The following ZNF592 variants were observed in gnomAD, a reference collection of about 807,000 sequenced individuals.
ZNF592 encodes the protein zinc finger protein 592.
ZNF592 carries 11 observed loss-of-function variants against 80.3 expected under a neutral mutation model. The ratio of observed to expected loss-of-function variants is 0.14; its 90% CI spans 0.09 to 0.23. The LOEUF is 0.23. ZNF592 is among the 10% of genes least tolerant of loss of function. The pLI, the probability that ZNF592 is intolerant of heterozygous loss-of-function variation, is 1.00. For missense variants in ZNF592, 1,420 were observed against 1,633.9 expected (o/e 0.87, Z 2.26); for synonymous variants, 646 against 640.3 (o/e 1.01, Z -0.13).
At chr15:84,779,599 C>T (rs1400104860) in intron 3 of ZNF592, among the ~76,000 whole-genome samples, 1 of 152,082 alleles carries the variant, frequency 6.6e-6, no homozygotes. Context: ...TGATCCTCCT[C>T]CCTTGGCCTC....
At chr15:84,800,567 G>A (rs1337680309) in intron 10 of ZNF592, among the ~76,000 whole-genome samples, 1 of 152,154 alleles carries the variant, frequency 6.6e-6, no homozygotes, top group Non-Finnish European at 1.5e-5. Flanking sequence ...TGTCTGGGAA[G>A]TCCTAAGAGC....
intron 5 of ZNF592, among the ~76,000 whole-genome samples, chr15:84,793,406 A>C (rs912755807): frequency 6.6e-6 from 1 of 152,220 alleles, no homozygotes; most frequent in Non-Finnish European, 1.5e-5. Flanking sequence ...CGGATGGATT[A>C]ATACTTTTCA....
At chr15:84,766,151 C>T (rs1899512860) in intron 2 of ZNF592, among the ~76,000 whole-genome samples, 1 of 151,994 alleles carries the variant, frequency 6.6e-6, no homozygotes, top group South Asian at 2.1e-4. Context: ...GTAGCTGGGA[C>T]TACAGCACAC....
rs1285844864 is a variant in ZNF592, at chr15:84,784,630, T to A, written c.1955T>A (p.Leu652Gln). 6.2e-7 allele frequency: 1 copy of A among 1,614,190 alleles called. No homozygotes were observed. The highest frequency in any genetic ancestry group is 1.7e-5 in the Admixed American group (1 of 60,020). ...CTCGTCATGCAGTGTTCCCAGCTGC[T>A]GGTGAAGCCTATCTCTGCGGACCAA... is the stretch of plus-strand genomic sequence containing the variant. Reference protein sequence around the residue: ...KGLVMQCSQLLVKPISADQMF... With the variant: ...KGLVMQCSQLQVKPISADQMF... The change falls in exon 4 of 11, where the codon CTG (leucine) becomes CAG (glutamine). Residue 652 changes from leucine to glutamine, a missense_variant. Transcript: ENST00000560079. The surrounding 1 kb of genome is among the most constrained non-coding windows in gnomAD (Gnocchi z 5.8).
At chr15:84,788,132 G>A (rs1456732200) in intron 4 of ZNF592, among the ~76,000 whole-genome samples, 1 of 152,126 alleles carries the variant, frequency 6.6e-6, no homozygotes, top group Non-Finnish European at 1.5e-5. Flanking sequence ...TTTGATGGAG[G>A]GTGGGGGTGG....
At chr15:84,760,059 T>G (rs922730154) in intron 1 of ZNF592, among the ~76,000 whole-genome samples, 1 of 150,276 alleles carries the variant, frequency 6.7e-6, no homozygotes, top group African/African-American at 2.5e-5. Flanking sequence ...TGATAGACAG[T>G]TGAGATGGAT....
intron 4 of ZNF592, among the ~76,000 whole-genome samples, chr15:84,788,911 A>G (rs1018599551): frequency 1.3e-5 from 2 of 152,104 alleles, no homozygotes; most frequent in Non-Finnish European, 2.9e-5. Flanking sequence ...AGCATATGTC[A>G]GAATCTCCTT....
intron 4 of ZNF592, among the ~76,000 whole-genome samples, chr15:84,786,022 G>C (rs1962577588): frequency 6.6e-6 from 1 of 152,282 alleles, no homozygotes; most frequent in East Asian, 1.9e-4. Flanking sequence ...CCCTAAGCTG[G>C]TGCTACAGAG....
intron 4 of ZNF592, 112 bp from the exon 5 acceptor site, chr15:84,790,593 G>A (rs2141993404): frequency 9.3e-7 from 1 of 1,076,404 alleles, no homozygotes; most frequent in Non-Finnish European, 1.4e-6. Flanking sequence ...AGAGAGAGTG[G>A]TTGGGGGAAG....
chr15:84,780,987 A>G (rs553895153), intron 3 of ZNF592, among the ~76,000 whole-genome samples: 78 of 152,262 alleles, frequency 5.1e-4, no homozygotes, highest in Non-Finnish European at 8.8e-4. Flanking sequence ...TAAACTTGAC[A>G]TTATAAATAA....
At chr15:84,779,783 A>G (rs189227343) in intron 3 of ZNF592, among the ~76,000 whole-genome samples, 2 of 152,114 alleles carry the variant, frequency 1.3e-5, no homozygotes, top group Non-Finnish European at 2.9e-5. Flanking sequence ...AGATTTCTCT[A>G]TGAGGAGAGC....
chr15:84,775,571 T>C (rs1413376023), intron 2 of ZNF592, among the ~76,000 whole-genome samples: 1 of 152,186 alleles, frequency 6.6e-6, no homozygotes, highest in East Asian at 1.9e-4. Context: ...TAGCTGGGTT[T>C]GCAGGTGCAC....
intron 1 of ZNF592, among the ~76,000 whole-genome samples, 169 bp downstream of exon 1, chr15:84,748,833 C>A (rs1411852259): frequency 1.4e-5 from 2 of 147,204 alleles, no homozygotes; most frequent in Non-Finnish European, 1.5e-5. Context: ...TTCCCCCGAC[C>A]GCCGCCTGGC....
intron 4 of ZNF592, among the ~76,000 whole-genome samples, chr15:84,787,921 T>C (rs985672928): frequency 5.3e-5 from 8 of 152,234 alleles, no homozygotes; most frequent in African/African-American, 1.9e-4. Flanking sequence ...TTTCATGCCA[T>C]TGACTTGTTG....
chr15:84,756,006 A>G (rs1899158803), intron 1 of ZNF592, among the ~76,000 whole-genome samples: 1 of 152,164 alleles, frequency 6.6e-6, no homozygotes, highest in African/African-American at 2.4e-5. Context: ...TTCTAAAGAA[A>G]TCATTCCTTT....
chr15:84,756,974 A>G (rs1411505565), intron 1 of ZNF592, among the ~76,000 whole-genome samples: 1 of 152,028 alleles, frequency 6.6e-6, no homozygotes, highest in African/African-American at 2.4e-5. Flanking sequence ...GTAGCTGGCC[A>G]TGGTGGTGCG....
chr15:84,770,306 A>G (rs1215260229), intron 2 of ZNF592, among the ~76,000 whole-genome samples: 1 of 152,238 alleles, frequency 6.6e-6, no homozygotes. Context: ...AGAAATAACA[A>G]TAATTTAGTG....
chr15:84,779,426 T>A (rs1218392919), intron 3 of ZNF592, among the ~76,000 whole-genome samples: 1 of 152,210 alleles, frequency 6.6e-6, no homozygotes, highest in African/African-American at 2.4e-5. Flanking sequence ...TGGTTTTTCT[T>A]ACTGGGGCTA....
chr15:84,785,087 C>T (rs1036031375), intron 4 of ZNF592, among the ~76,000 whole-genome samples, 192 bp downstream of exon 4: 4 of 152,144 alleles, frequency 2.6e-5, no homozygotes, highest in African/African-American at 9.7e-5. Flanking sequence ...TGAGGTGAGA[C>T]CCTAATTTAG....
Sources: gnomAD v4.1 joint callset for allele counts (sites outside exome capture counted in the v4.1 genomes callset) on GRCh38, gnomAD v4.1.1 for gene constraint, Gnocchi (gnomAD v3.1) non-coding constraint, MANE v1.5 for transcripts, NCBI Gene and HGNC (gene_info 2026-07-23, HGNC 2026-07-21) for gene names.